NODAL: variants seen among roughly 807,000 people sequenced by gnomAD.
NODAL encodes nodal homolog.
NODAL carries 12 observed loss-of-function variants against 34.0 expected under a neutral mutation model. That is an observed-to-expected ratio of 0.35 (90% CI 0.23 to 0.57). The LOEUF (loss-of-function observed/expected upper bound fraction) is 0.57. NODAL is among the 20% of genes least tolerant of loss of function. The pLI, the probability that NODAL is intolerant of heterozygous loss-of-function variation, is 0.83. For synonymous variants in NODAL, 162 were observed against 186.4 expected, an observed-to-expected ratio of 0.87 and a Z score of 1.07; for missense variants, 390 against 444.2, an observed-to-expected ratio of 0.88 and a Z score of 1.10.
chr10:70,441,730 C>T, upstream of NODAL: 1 of 1,499,448 alleles, frequency 6.7e-7, no homozygotes, highest in African/African-American at 1.4e-5. Context: ...TCAGCAGCCG[C>T]CCCGCCCCCA....
intron 2 of NODAL, 111 bp downstream of exon 2, chr10:70,435,175 G>A: frequency 5.3e-6 from 5 of 936,386 alleles, no homozygotes; most frequent in Non-Finnish European, 8.2e-6. Context: ...TACATTGGAG[G>A]TGCTTGAGTA....
In NODAL at chr10:70,435,465, G is replaced by A. The variant is rs758790389; in HGVS notation, c.712C>T (p.His238Tyr). ...AGTTGACTTCTGTCTGGCAAGTGATGTCGACGGTGCCTCTTGCCCCACTCC... is the reference window on the plus strand; with the variant it reads ...AGTTGACTTCTGTCTGGCAAGTGATATCGACGGTGCCTCTTGCCCCACTCC... The part of the protein sequence containing the change: ...SWEWGKRHRR[H>Y]HLPDRSQLCR... The change falls in exon 2 of 3, where the codon CAT becomes TAT. Residue 238 changes from histidine (H) to tyrosine (Y), a missense_variant. Physicochemically the swap from His to Tyr is moderately conservative, Grantham distance 83. Transcript: ENST00000287139. 2 of 1,614,198 alleles carry A rather than the reference G, an allele frequency of 1.2e-6. No individual in the cohort carries two copies. The highest frequency in any genetic ancestry group is 2.2e-5 in the East Asian group (1 of 44,870).
rs747322630 is a variant in NODAL, at chr10:70,435,836, A to G, written c.341T>C (p.Phe114Ser). The G allele has an allele frequency of 4.3e-6, 7 of 1,614,124 alleles. No homozygotes were observed. Among genetic ancestry groups the G allele is most frequent in the Admixed American group, 1.7e-5 (1 of 60,022 alleles). The change falls in exon 2 of 3, where the codon TTC (phenylalanine) becomes TCC (serine). Residue 114 changes from phenylalanine (F) to serine (S), a missense_variant. Phe to Ser is a radical substitution (Grantham distance 155). Transcript: ENST00000287139. Reference sequence around the variant, plus strand: ...CTCTGTGTCGGGCTTTGGCTGGTGGAAAATCTCAATGGCAAGTGAGCCCTC... The same window carrying G: ...CTCTGTGTCGGGCTTTGGCTGGTGGGAAATCTCAATGGCAAGTGAGCCCTC... ...PTEGSLAIEI[F>S]HQPKPDTEQA... is the part of the protein sequence containing the mutation.
chr10:70,433,487 T>C (rs1455815908), intron 2 of NODAL, among the ~76,000 whole-genome samples: 1 of 152,076 alleles, frequency 6.6e-6, no homozygotes, highest in African/African-American at 2.4e-5. Context: ...TGATCACAGC[T>C]CACTGCATCC....
chr10:70,433,011 C>T lies in NODAL; in HGVS notation c.969G>A (p.Met323Ile). The T allele has an allele frequency of 6.2e-7, 1 of 1,614,064 alleles. No homozygotes were observed. The highest frequency in any genetic ancestry group is 8.5e-7 in the Non-Finnish European group (1 of 1,180,018). Residue 323 changes from methionine (M) to isoleucine (I), a missense_variant, in exon 3 of 3, where the codon ATG (methionine) becomes ATA (isoleucine). Coordinates refer to ENST00000287139, the MANE Select transcript of NODAL (RefSeq NM_018055.5). ...GCACTCTGCCATTATCCACATACAG[C>T]ATGCTCAGCGGCTTGGTCTTCACTG... ...CAPVKTKPLSMLYVDNGRVLL... is the reference protein window; with the variant it reads ...CAPVKTKPLSILYVDNGRVLL...
intron 1 of NODAL, chr10:70,436,558 CAAA>C (rs71472966): frequency 7.2e-5 from 7 of 96,872 alleles, no homozygotes; most frequent in Non-Finnish European, 1.2e-4. Flanking sequence ...AACTCTGTCT[CAAA>C]AAAAAAAAAA....
chr10:70,437,447 A>T (rs10740347), intron 1 of NODAL, among the ~76,000 whole-genome samples: 1 of 152,084 alleles, frequency 6.6e-6, no homozygotes, highest in Non-Finnish European at 1.5e-5. Flanking sequence ...GTCTCAACAA[A>T]AACAACAACA....
upstream of NODAL, chr10:70,441,782 C>T (rs915768932): frequency 5.3e-6 from 6 of 1,131,556 alleles, no homozygotes; most frequent in African/African-American, 9.2e-5. Flanking sequence ...ATATAACCCC[C>T]CTCCGGAGGG....
chr10:70,441,439 G>A (rs1220037442), intron 1 of NODAL, 36 bp downstream of exon 1: 3 of 1,546,632 alleles, frequency 1.9e-6, no homozygotes, highest in Non-Finnish European at 2.6e-6. Flanking sequence ...GCGCCCCGGG[G>A]GTGCCCAGCA....
chr10:70,435,817 G>A lies in NODAL; in HGVS notation c.360C>T (p.Asp120=), dbSNP rs1322582131. 1 of 1,614,166 alleles carries A rather than the reference G, an allele frequency of 6.2e-7. No homozygotes were observed. Among genetic ancestry groups the A allele is most frequent in the East Asian group, 2.2e-5 (1 of 44,888 alleles). The part of the protein sequence containing the change: ...AIEIFHQPKP[D]TEQASDSCLE... The stretch of plus-strand genomic sequence containing the variant: ...AGCAGCTGTCTGAAGCCTGCTCTGT[G>A]TCGGGCTTTGGCTGGTGGAAAATCT... Residue 120 remains aspartate (D), a synonymous_variant, in exon 2 of 3, where the codon GAC becomes GAT. Transcript: ENST00000287139.
rs1451305702 is a variant in NODAL, at chr10:70,438,834, C to A, written c.193+2641G>T. Among the ~76,000 whole-genome samples the A allele has an allele frequency of 2.6e-5, 4 of 152,166 alleles. No homozygotes were observed. The East Asian group carries it at 7.7e-4, about 29-fold the overall frequency. ...ATAAGGGTTCTAATATTGTGGGTGT[C>A]ACTGGTGCCTGATGCAAGGTAGGAA... On this transcript the variant is annotated intron_variant, in intron 1 of 2. Coordinates refer to ENST00000287139, the MANE Select transcript of NODAL (RefSeq NM_018055.5).
intron 2 of NODAL, among the ~76,000 whole-genome samples, chr10:70,433,493 C>T (rs1198692848): frequency 2.0e-5 from 3 of 152,072 alleles, no homozygotes; most frequent in African/African-American, 7.2e-5. Context: ...CAGCTCACTG[C>T]ATCCTCAACC....
At chr10:70,434,291 T>C (rs1845313175) in intron 2 of NODAL, among the ~76,000 whole-genome samples, 2 of 152,336 alleles carry the variant, frequency 1.3e-5, no homozygotes, top group Non-Finnish European at 2.9e-5. Flanking sequence ...ACTCACCAGC[T>C]CTGTTCTTCC....
chr10:70,446,271 T>G (rs1845486292), upstream of NODAL, among the ~76,000 whole-genome samples: 1 of 152,160 alleles, frequency 6.6e-6, no homozygotes, highest in Non-Finnish European at 1.5e-5. Flanking sequence ...TCAGATGCTT[T>G]CCATAGAGAC....
upstream of NODAL, among the ~76,000 whole-genome samples, chr10:70,444,923 A>G (rs1385351835): frequency 6.6e-6 from 1 of 152,164 alleles, no homozygotes; most frequent in Non-Finnish European, 1.5e-5. Context: ...CCAGAGGCAG[A>G]AGGCACCCTC....
intron 2 of NODAL, among the ~76,000 whole-genome samples, chr10:70,433,938 G>T (rs1040957060): frequency 6.6e-6 from 1 of 152,130 alleles, no homozygotes; most frequent in Non-Finnish European, 1.5e-5. Context: ...AGAGTTGGCA[G>T]TTGGGACTGT....
At chr10:70,446,102 A>G (rs557255686), upstream of NODAL, among the ~76,000 whole-genome samples, 1 of 152,292 alleles carries the variant, frequency 6.6e-6, no homozygotes, top group Non-Finnish European at 1.5e-5. Context: ...GATCTCTTTC[A>G]TATAAGAAAG....
At position 70,435,710 on chromosome 10, in the gene NODAL, G is replaced by A. The variant is rs1845341646; in HGVS notation, c.467C>T (p.Thr156Ile). 1 of 1,614,168 alleles carries A rather than the reference G, an allele frequency of 6.2e-7. No individual in the cohort carries two copies. The highest frequency in any genetic ancestry group is 2.2e-5 in the East Asian group (1 of 44,884). The change falls in exon 2 of 3, where the codon ACC becomes ATC. Residue 156 changes from threonine to isoleucine, a missense_variant. By Grantham distance (89) the Thr-to-Ile change is moderately conservative. Transcript: ENST00000287139. ...CTTCAGCCACTTGGAGAGAGGCCTG[G>A]TCACCTCCAAAACCATGCTGCCCAA... ...FSLGSMVLEV[T>I]RPLSKWLKHP...
At chr10:70,442,076 G>T (rs939310350), upstream of NODAL, among the ~76,000 whole-genome samples, 2 of 152,194 alleles carry the variant, frequency 1.3e-5, no homozygotes, top group Non-Finnish European at 2.9e-5. Flanking sequence ...CAAATGGACC[G>T]CAGGCTCCTC....
Sources: gnomAD v4.1 joint callset for allele counts (sites outside exome capture counted in the v4.1 genomes callset) on GRCh38, gnomAD v4.1.1 for gene constraint, MANE v1.5 for transcripts, NCBI Gene and HGNC (gene_info 2026-07-23, HGNC 2026-07-21) for gene names.